Variants in CCNH observed in about 807,000 individuals in gnomAD.
CCNH encodes the protein cyclin H.
Under a neutral mutation model 41.9 loss-of-function variants are expected in CCNH, and 31 were observed. The observed-to-expected ratio is 0.74, with a 90% CI of 0.56 to 1.00. The LOEUF (loss-of-function observed/expected upper bound fraction) is 1.00. CCNH is among the 50% of genes least tolerant of loss of function. The probability of loss-of-function intolerance (pLI) is 0.00; values close to 1 mark genes in which losing one functional copy is unlikely to be tolerated. For missense variants in CCNH, 362 were observed against 388.4 expected, an observed-to-expected ratio of 0.93 and a Z score of 0.57; for synonymous variants, 138 against 136.1, an observed-to-expected ratio of 1.01 and a Z score of -0.10.
At chr5:87,390,575 AAC>A (rs983916633), downstream of CCNH, among the ~76,000 whole-genome samples, 1 of 152,200 alleles carries the variant, frequency 6.6e-6, no homozygotes, top group African/African-American at 2.4e-5. Context: ...GAGCATGCCA[AAC>A]ACAAACAAAT....
intron 3 of CCNH, among the ~76,000 whole-genome samples, 199 bp from the exon 4 acceptor site, chr5:87,408,385 A>G (rs1180123912): frequency 1.3e-5 from 2 of 152,202 alleles, no homozygotes; most frequent in East Asian, 3.8e-4. Flanking sequence ...GAGACGTAAG[A>G]CAACTATAAA....
Position 87,394,313 on chromosome 5 carries a change from A to G in CCNH, c.*133T>C. 7.3e-7 allele frequency: 1 copy of G among 1,365,820 alleles called. No homozygotes were observed. Among genetic ancestry groups the G allele is most frequent in the Non-Finnish European group, 9.5e-7 (1 of 1,051,170 alleles). 84.6% of individuals were successfully genotyped at this position (1,365,820 alleles called of 1,614,324 possible). The stretch of plus-strand genomic sequence containing the variant: ...TTTATTTTACATAAAGTTACTGTGA[A>G]AGGGAAAGAAAACAATAGAAAAGTT... On this transcript the variant is annotated 3_prime_UTR_variant, in exon 9 of 9. Coordinates refer to ENST00000256897, the MANE Select transcript of CCNH (RefSeq NM_001239.4).
chr5:87,404,458 G>A (rs1276923595), intron 5 of CCNH, among the ~76,000 whole-genome samples: 1 of 152,170 alleles, frequency 6.6e-6, no homozygotes, highest in African/African-American at 2.4e-5. Context: ...TTGGCTGCTA[G>A]CTTGTGCTTC....
chr5:87,334,888 C>T (rs1338240736), intron 9 of CCNH, among the ~76,000 whole-genome samples: 2 of 151,482 alleles, frequency 1.3e-5, no homozygotes, highest in East Asian at 3.9e-4. Flanking sequence ...CTAGTTTGTT[C>T]CTTTTTTTTT....
chr5:87,391,900 C>T (rs1323265464), downstream of CCNH: 1 of 227,260 alleles, frequency 4.4e-6, no homozygotes, highest in Non-Finnish European at 8.7e-6. Context: ...TAAAATAAAA[C>T]CAAGGGATAT....
At chr5:87,347,421 T>C (rs2063552777) in intron 9 of CCNH, among the ~76,000 whole-genome samples, 1 of 152,040 alleles carries the variant, frequency 6.6e-6, no homozygotes, top group Non-Finnish European at 1.5e-5. Context: ...TGAATTAATT[T>C]AAATACCGAG....
chr5:87,395,138 T>TA lies in CCNH; in HGVS notation c.873-35dup, dbSNP rs772876215. The TA allele has an allele frequency of 4.0e-5, 63 of 1,582,346 alleles. 1 individual carries two copies. The South Asian group carries it at 7.0e-4, about 18-fold the overall frequency. Reference sequence around the variant, plus strand: ...AAGCAACTATCAATAAGCAATCCAATACCAGCCACAGAAACTATAAAATGT... The same window carrying TA: ...AAGCAACTATCAATAAGCAATCCAATAACCAGCCACAGAAACTATAAAATGT... On this transcript the variant is annotated intron_variant, in intron 7 of 8. Coordinates refer to ENST00000256897, the MANE Select transcript of CCNH (RefSeq NM_001239.4).
At chr5:87,411,118 G>T in intron 2 of CCNH, 106 bp downstream of exon 2, 1 of 1,168,400 alleles carries the variant, frequency 8.6e-7, no homozygotes, top group Non-Finnish European at 1.2e-6. Context: ...CTAATTAATT[G>T]TAACTAAGGT....
intron 1 of CCNH, chr5:87,412,322 TG>T: frequency 1.2e-6 from 1 of 823,706 alleles, no homozygotes; most frequent in Non-Finnish European, 1.5e-6. Flanking sequence ...TCTGACTGCC[TG>T]GAACTTCCTT....
intron 9 of CCNH, among the ~76,000 whole-genome samples, chr5:87,339,419 G>A (rs937103278): frequency 1.3e-5 from 2 of 152,144 alleles, no homozygotes; most frequent in African/African-American, 4.8e-5. Context: ...TCGTACTGAA[G>A]CATCTTACTA....
chr5:87,389,210 A>C, downstream of CCNH: 1 of 593,056 alleles, frequency 1.7e-6, no homozygotes, highest in Non-Finnish European at 2.9e-6. Context: ...AGGTGCCTGT[A>C]ATCCCAGCTA....
At chr5:87,314,405 G>A (rs1000123902), downstream of CCNH, among the ~76,000 whole-genome samples, 2 of 152,130 alleles carry the variant, frequency 1.3e-5, no homozygotes, top group Non-Finnish European at 2.9e-5. Flanking sequence ...TGGAAGACCA[G>A]TAAAACTGAA....
At chr5:87,392,104 ATTGTGCAGGGCAGATAGAT>A, downstream of CCNH, 1 of 337,902 alleles carries the variant, frequency 3.0e-6, no homozygotes, top group East Asian at 6.3e-5. Flanking sequence ...CCCTCTCATA[ATTGTGCAGGGCAGATAGAT>A]AGGACATATG....
intron 9 of CCNH, among the ~76,000 whole-genome samples, chr5:87,339,415 T>C (rs908167215): frequency 6.6e-6 from 1 of 152,200 alleles, no homozygotes; most frequent in Non-Finnish European, 1.5e-5. Flanking sequence ...GTATTCGTAC[T>C]GAAGCATCTT....
intron 9 of CCNH, chr5:87,366,224 A>G (rs1246638074): frequency 1.0e-5 from 2 of 196,056 alleles, no homozygotes; most frequent in African/African-American, 2.3e-5. Context: ...GAGGTTAAAA[A>G]TGATTCACTA....
intron 9 of CCNH, among the ~76,000 whole-genome samples, chr5:87,360,124 GT>G (rs755443447): frequency 0.025 from 3,283 of 132,662 alleles, 85 homozygotes; most frequent in African/African-American, 0.082. Flanking sequence ...TCAAAATGCA[GT>G]TTTTTTTTTT....
Position 87,408,202 on chromosome 5 carries a change from A to C in CCNH, c.315-16T>G. On this transcript the variant is annotated splice_polypyrimidine_tract_variant and intron_variant, in intron 3 of 8. Transcript: ENST00000256897. The stretch of plus-strand genomic sequence containing the variant: ...ACAAGTGAGCCTAGAGGAAAAAATA[A>C]GGAGGCAGGAGGCAGGGGGTGGGTG... 1 of 990,640 alleles carries C rather than the reference A, an allele frequency of 1.0e-6. No homozygotes were observed. 61.4% of individuals were successfully genotyped at this position (990,640 alleles called of 1,614,324 possible). A position where few individuals can be genotyped will look rare whatever the true frequency, so the allele number is the denominator to read the frequency against.
At position 87,347,767 on chromosome 5, in the gene CCNH, T is replaced by G. The variant is rs115621319; in HGVS notation, c.*91-28870A>C. Among the ~76,000 whole-genome samples, 706 of 152,088 alleles carry G rather than the reference T, an allele frequency of 4.6e-3. 6 individuals carry two copies. Among genetic ancestry groups the G allele is most frequent in the African/African-American group, 0.016 (645 of 41,572 alleles). ...TATATGATAGTAATAGAGAAGAAATTTTAAACTAAAATGACATTCTGTCAG... is the reference window on the plus strand; with the variant it reads ...TATATGATAGTAATAGAGAAGAAATGTTAAACTAAAATGACATTCTGTCAG... On this transcript the variant is annotated intron_variant and NMD_transcript_variant, in intron 9 of 9. Transcript: ENST00000645953.
rs770998749 is a variant in CCNH at position 87,394,453 on chromosome 5, G to C, written c.965C>G (p.Ser322Cys). Reference protein sequence around the residue: ...EEWTDDDLVESL With the variant: ...EEWTDDDLVECL ...GAAATCAACTTCAAATGGTTAGAGA[G>C]ATTCTACCAGGTCGTCATCAGTCCA... Residue 322 changes from serine to cysteine, a missense_variant, in exon 9 of 9, where the codon TCT (serine) becomes TGT (cysteine). Coordinates refer to ENST00000256897, the MANE Select transcript of CCNH (RefSeq NM_001239.4). 6.2e-7 allele frequency: 1 copy of C among 1,612,798 alleles called. No individual in the cohort carries two copies. The highest frequency in any genetic ancestry group is 1.7e-5 in the Admixed American group (1 of 60,012).
Sources: allele counts gnomAD v4.1 joint callset (sites outside exome capture counted in the v4.1 genomes callset), GRCh38; gene constraint gnomAD v4.1.1; transcripts MANE v1.5; gene names NCBI Gene and HGNC (gene_info 2026-07-23, HGNC 2026-07-21).